ADGB: variants seen among roughly 807,000 people sequenced by gnomAD.
The protein encoded by ADGB is calpain-7-like protein.
In ADGB, 172 loss-of-function variants were observed where a neutral mutation model predicts 210.5. The observed-to-expected ratio is 0.82, with a 90% CI of 0.72 to 0.93. The LOEUF (loss-of-function observed/expected upper bound fraction) is 0.93. Ranked by LOEUF, ADGB falls within the 40% of genes least tolerant of loss-of-function variation. ADGB has a pLI of 0.00. For synonymous variants in ADGB, 658 were observed against 662.7 expected, an observed-to-expected ratio of 0.99 and a Z score of 0.11; for missense variants, 2,025 against 1,964.8, an observed-to-expected ratio of 1.03 and a Z score of -0.58.
intron 34 of ADGB, 23 bp from the exon 35 acceptor site, chr6:146,801,805 C>A: frequency 6.6e-7 from 1 of 1,515,236 alleles, no homozygotes; most frequent in Non-Finnish European, 8.9e-7. Flanking sequence ...AAATCTGTAT[C>A]TTTTGATGAC....
intron 25 of ADGB, among the ~76,000 whole-genome samples, chr6:146,743,380 C>T (rs9322071): frequency 0.57 from 86,425 of 151,954 alleles, 26,692 homozygotes; most frequent in African/African-American, 0.81. Context: ...TCTAGCATAC[C>T]TCCTTGGGTT....
chr6:146,656,711 T>C, intron 4 of ADGB, 60 bp from the exon 5 acceptor site: 2 of 1,208,034 alleles, frequency 1.7e-6, no homozygotes, highest in Non-Finnish European at 2.3e-6. Flanking sequence ...TTTTTATCCC[T>C]AAATTACAGT....
chr6:146,676,321 G>T lies in ADGB; in HGVS notation c.1096G>T (p.Asp366Tyr). The change falls in exon 9 of 36, where the codon GAT becomes TAT. Residue 366 changes from aspartate (D) to tyrosine (Y), a missense_variant. By Grantham distance (160) the Asp-to-Tyr change is radical (BLOSUM62 -3). Coordinates refer to ENST00000397944, the MANE Select transcript of ADGB (RefSeq NM_024694.4). ...KSDKVPKEKA[D>Y]ARDIGKKRSK... ...ATTTTTTCATATGTTAGAGAAAGCA[G>T]ATGCAAGAGACATTGGAAAGAAGAG... 1.3e-6 allele frequency: 2 copies of T among 1,543,784 alleles called. No individual in the cohort carries two copies. Among genetic ancestry groups the T allele is most frequent in the Non-Finnish European group, 1.7e-6 (2 of 1,143,650 alleles).
At chr6:146,720,343 T>A (rs764062007) in intron 16 of ADGB, among the ~76,000 whole-genome samples, 5 of 152,186 alleles carry the variant, frequency 3.3e-5, no homozygotes, top group Non-Finnish European at 5.9e-5. Flanking sequence ...TATCTAATTA[T>A]ATTAAGTATT....
chr6:146,796,876 A>G (rs566478825), intron 33 of ADGB, among the ~76,000 whole-genome samples: 1 of 152,352 alleles, frequency 6.6e-6, no homozygotes, highest in South Asian at 2.1e-4. Flanking sequence ...GCTTCAGCAC[A>G]GCAAAAGAAA....
In ADGB at chr6:146,608,247, C is replaced by T. The variant is rs149700568; in HGVS notation, c.74+9133C>T. 6.9e-3 allele frequency among the ~76,000 whole-genome samples: 1,049 copies of T among 151,588 alleles called. 8 individuals are homozygous for T. Among genetic ancestry groups the T allele is most frequent in the African/African-American group, 0.023 (970 of 41,408 alleles). ...TTTTTTTGTATTTCTGCAGAGCCAG[C>T]GGTAGTGTGTTTTATTATTATTATT... On this transcript the variant is annotated intron_variant, in intron 1 of 35. Coordinates refer to ENST00000397944, the MANE Select transcript of ADGB (RefSeq NM_024694.4).
intron 9 of ADGB, among the ~76,000 whole-genome samples, chr6:146,683,556 T>C (rs1032979904): frequency 6.6e-6 from 1 of 152,102 alleles, no homozygotes; most frequent in African/African-American, 2.4e-5. Context: ...CAACATTACA[T>C]ATTACAATCC....
intron 3 of ADGB, among the ~76,000 whole-genome samples, chr6:146,652,328 G>C (rs1315048018): frequency 6.6e-6 from 1 of 152,162 alleles, no homozygotes; most frequent in African/African-American, 2.4e-5. Flanking sequence ...TTCCATCACA[G>C]TCAGTCAAGC....
intron 1 of ADGB, among the ~76,000 whole-genome samples, chr6:146,627,086 T>A (rs1780984042): frequency 6.6e-6 from 1 of 152,124 alleles, no homozygotes; most frequent in Admixed American, 6.6e-5. Flanking sequence ...TTTTTTTATC[T>A]TCCTTGTCTC....
intron 8 of ADGB, among the ~76,000 whole-genome samples, chr6:146,673,627 A>G (rs1486812736): frequency 1.3e-5 from 2 of 152,260 alleles, no homozygotes; most frequent in Middle Eastern, 3.4e-3. Flanking sequence ...TTAGCTCTCA[A>G]TTTCCATTAA....
intron 29 of ADGB, 136 bp downstream of exon 29, chr6:146,769,267 A>C: frequency 2.1e-6 from 1 of 470,740 alleles, no homozygotes; most frequent in Non-Finnish European, 3.9e-6. Context: ...TGTACTCTAT[A>C]TCCTGTTACA....
At chr6:146,803,318 A>G in intron 35 of ADGB, 1 of 1,608,578 alleles carries the variant, frequency 6.2e-7, no homozygotes, top group Non-Finnish European at 8.5e-7. Context: ...CTGTCTGTGA[A>G]GAACCAGAAT....
In ADGB at chr6:146,807,443, G is replaced by A. The variant is rs976090586; in HGVS notation, c.4818+5432G>A. Reference sequence around the variant, plus strand: ...CCCGACAGAAAATTTTCGACATCCGGGAAGAGTACAGAAACAAATTGCTGG... The same window carrying A: ...CCCGACAGAAAATTTTCGACATCCGAGAAGAGTACAGAAACAAATTGCTGG... On this transcript the variant is annotated intron_variant, in intron 35 of 35. Coordinates refer to ENST00000397944, the MANE Select transcript of ADGB (RefSeq NM_024694.4). 10 of 1,551,636 alleles carry A rather than the reference G, an allele frequency of 6.4e-6. No individual in the cohort carries two copies. In the East Asian group the frequency reaches 9.8e-5, roughly 15 times the overall value.
chr6:146,724,395 AG>A, intron 18 of ADGB, 68 bp downstream of exon 18: 2 of 1,428,026 alleles, frequency 1.4e-6, no homozygotes, highest in East Asian at 5.1e-5. Flanking sequence ...TGGTTACTAA[AG>A]AAGTAAACAA....
At chr6:146,756,813 C>CA (rs1212242334) in intron 27 of ADGB, among the ~76,000 whole-genome samples, 1 of 151,888 alleles carries the variant, frequency 6.6e-6, no homozygotes, top group Non-Finnish European at 1.5e-5. Flanking sequence ...CTGCAACCTC[C>CA]ACCTCCTGGA....
chr6:146,720,057 C>CT (rs145632815), intron 16 of ADGB, among the ~76,000 whole-genome samples: 9 of 151,852 alleles, frequency 5.9e-5, no homozygotes, highest in Admixed American at 2.6e-4. Flanking sequence ...CATATATTAA[C>CT]TTTTTTTTAA....
At chr6:146,613,552 T>A (rs946725349) in intron 1 of ADGB, among the ~76,000 whole-genome samples, 7 of 152,206 alleles carry the variant, frequency 4.6e-5, no homozygotes, top group Admixed American at 3.3e-4. Context: ...CTAATGTTAT[T>A]GTAATTTTAA....
intron 12 of ADGB, 68 bp from the exon 13 acceptor site, chr6:146,700,873 G>A (rs1215202322): frequency 6.0e-6 from 9 of 1,488,482 alleles, no homozygotes; most frequent in Middle Eastern, 1.8e-4. Context: ...CAAAAATGCA[G>A]TTATTTATTA....
At chr6:146,613,374 A>G (rs902659125) in intron 1 of ADGB, among the ~76,000 whole-genome samples, 16 of 152,186 alleles carry the variant, frequency 1.1e-4, no homozygotes, top group African/African-American at 3.6e-4. Context: ...AAATAATTCA[A>G]TTGTGTAATT....
Sources: allele counts gnomAD v4.1 joint callset (sites outside exome capture counted in the v4.1 genomes callset), GRCh38; gene constraint gnomAD v4.1.1; transcripts MANE v1.5; gene names NCBI Gene and HGNC (gene_info 2026-07-23, HGNC 2026-07-21).